Variants in TRERF1 observed in about 807,000 individuals in gnomAD.
TRERF1 encodes transcriptional-regulating factor 1.
TRERF1 carries 27 observed loss-of-function variants against 122.9 expected under a neutral mutation model. The observed-to-expected ratio is 0.22, with a 90% CI of 0.16 to 0.30. The LOEUF is 0.30. TRERF1 is among the 10% of genes least tolerant of loss of function. The pLI, the probability that TRERF1 is intolerant of heterozygous loss-of-function variation, is 1.00. For missense variants in TRERF1, 1,248 were observed against 1,560.3 expected, an observed-to-expected ratio of 0.80 and a Z score of 3.37; for synonymous variants, 636 against 641.7, an observed-to-expected ratio of 0.99 and a Z score of 0.13.
At chr6:42,389,336 A>G (rs1777325557) in intron 2 of TRERF1, among the ~76,000 whole-genome samples, 1 of 152,210 alleles carries the variant, frequency 6.6e-6, no homozygotes, top group African/African-American at 2.4e-5. Context: ...GAGACATTCT[A>G]TTGCCAGGCT....
At chr6:42,448,962 T>C (rs1788005179) in intron 2 of TRERF1, among the ~76,000 whole-genome samples, 1 of 152,260 alleles carries the variant, frequency 6.6e-6, no homozygotes, top group Non-Finnish European at 1.5e-5. Context: ...GCTTTATTTT[T>C]TGTGACCACA....
chr6:42,319,701 T>C (rs938446539), intron 3 of TRERF1, among the ~76,000 whole-genome samples: 11 of 150,978 alleles, frequency 7.3e-5, no homozygotes, highest in African/African-American at 2.4e-4. Flanking sequence ...TGTGTGCCTG[T>C]GGTCCCAGCT....
At chr6:42,424,967 C>T (rs143896245) in intron 2 of TRERF1, among the ~76,000 whole-genome samples, 229 of 152,266 alleles carry the variant, frequency 1.5e-3, no homozygotes, top group African/African-American at 5.3e-3. Flanking sequence ...AATGAATGCA[C>T]GAGTAACCCA....
chr6:42,275,838 C>T lies in TRERF1; in HGVS notation c.-258-5990G>A, dbSNP rs1428380031. On this transcript the variant is annotated intron_variant, in intron 4 of 17. Transcript: ENST00000372922. This position sits in a 1 kb window ranked among gnomAD's most constrained non-coding sequence, Gnocchi z 4.1. ...CTAGTAAATATTTTCAGCTTTGGGG[C>T]CCATACATATGGTTTCTGTCACAAC... Among the ~76,000 whole-genome samples, 1 of 152,192 alleles carries T rather than the reference C, an allele frequency of 6.6e-6. No individual in the cohort carries two copies. Among genetic ancestry groups the T allele is most frequent in the East Asian group, 1.9e-4 (1 of 5,200 alleles).
chr6:42,451,225 G>T lies in TRERF1; in HGVS notation c.-502C>A. The T allele has an allele frequency of 6.5e-6, 1 of 153,246 alleles. No homozygotes were observed. The highest frequency in any genetic ancestry group is 1.5e-5 in the Non-Finnish European group (1 of 68,818). 9.5% of individuals were successfully genotyped at this position (153,246 alleles called of 1,614,324 possible). A position where few individuals can be genotyped will look rare whatever the true frequency, so the allele number is the denominator to read the frequency against. On this transcript the variant is annotated 5_prime_UTR_variant, in exon 2 of 18. The change creates a new upstream start codon in the 5' untranslated region. Coordinates refer to ENST00000372922, the Ensembl canonical transcript of TRERF1. ...CATGGGCAATCCGACGAGAAGACCA[G>T]TATCCGCTTGGGGGGTGAGATGGGG...
intron 3 of TRERF1, among the ~76,000 whole-genome samples, chr6:42,306,434 C>A (rs1438659791): frequency 1.3e-5 from 2 of 152,200 alleles, no homozygotes; most frequent in East Asian, 3.9e-4. Flanking sequence ...ATCAGGCCCT[C>A]GTGTATCTGC....
intron 16 of TRERF1, among the ~76,000 whole-genome samples, chr6:42,235,364 T>G (rs1361970278): frequency 2.0e-5 from 3 of 152,204 alleles, no homozygotes; most frequent in Admixed American, 6.5e-5. Context: ...AAACCTGATT[T>G]GGGAAAAGCT....
rs748233531 is a variant in TRERF1, at chr6:42,268,992, C to T, written c.599G>A (p.Arg200His). ...AGGCTGCTGGGGCACCTGCTGGTAG[C>T]GGGAAGGGATAGCCGGTGCTGGGGG... The change falls in exon 5 of 18, where the codon CGC becomes CAC. Residue 200 changes from arginine to histidine, a missense_variant. This residue lies in a region of TRERF1 where 946 missense variants were observed against 1,073.0 expected (regional missense o/e 0.88). Coordinates refer to ENST00000372922, the Ensembl canonical transcript of TRERF1. This position sits in a 1 kb window ranked among gnomAD's most constrained non-coding sequence, Gnocchi z 4.4. 1.5e-5 allele frequency: 24 copies of T among 1,612,166 alleles called. No homozygotes were observed. The highest frequency in any genetic ancestry group is 6.6e-5 in the South Asian group (6 of 90,956).
intron 3 of TRERF1, among the ~76,000 whole-genome samples, chr6:42,339,136 G>A (rs1283067913): frequency 2.0e-5 from 3 of 152,198 alleles, no homozygotes; most frequent in African/African-American, 7.2e-5. Flanking sequence ...CTATCCTTGA[G>A]GTCACTGCTG....
chr6:42,306,312 T>G (rs1332670587), intron 3 of TRERF1, among the ~76,000 whole-genome samples: 1 of 152,144 alleles, frequency 6.6e-6, no homozygotes, highest in Non-Finnish European at 1.5e-5. Flanking sequence ...AATCTCCCCC[T>G]TCTTTTGATG....
rs1778750121 is a variant in TRERF1, at chr6:42,397,239, G to A, written c.-453-34160C>T. On this transcript the variant is annotated intron_variant, in intron 2 of 17. Transcript: ENST00000372922. ...AGAAATTTGATGTGTAACTGGGTTG[G>A]GACCTCATGAGGATTACATCTCATT... 2.6e-5 allele frequency among the ~76,000 whole-genome samples: 4 copies of A among 152,062 alleles called. No individual in the cohort carries two copies. The South Asian group carries it at 8.3e-4, about 32-fold the overall frequency.
rs1778562640 is a variant in TRERF1 at position 42,263,296 on chromosome 6, T to G, written c.1884+24A>C. On this transcript the variant is annotated intron_variant, in intron 8 of 17. Coordinates refer to ENST00000372922, the Ensembl canonical transcript of TRERF1. The surrounding 1 kb of genome is among the most constrained non-coding windows in gnomAD (Gnocchi z 5.6). ...GGGGGGCAGCCCCTTGGGGTGAGTG[T>G]GGGGGAGAGAGGGTCATCCTCACGA... The G allele has an allele frequency of 6.3e-7, 1 of 1,598,486 alleles. No individual in the cohort carries two copies. The highest frequency in any genetic ancestry group is 8.5e-7 in the Non-Finnish European group (1 of 1,171,606).
exon 18 of TRERF1, chr6:42,225,682 C>G (rs1385928780): frequency 2.0e-5 from 3 of 152,024 alleles, no homozygotes; most frequent in Non-Finnish European, 4.4e-5. Flanking sequence ...GAACAGGAAG[C>G]AATCACAACC....
chr6:42,277,358 C>T (rs1041304233), intron 4 of TRERF1, among the ~76,000 whole-genome samples: 5 of 152,114 alleles, frequency 3.3e-5, no homozygotes, highest in African/African-American at 1.2e-4. Context: ...GTGGCTCCCA[C>T]CCTGTGAGGC....
intron 4 of TRERF1, among the ~76,000 whole-genome samples, chr6:42,277,854 A>AAAGAAGGAAGAAGG (rs1321320657): frequency 6.9e-6 from 1 of 145,016 alleles, no homozygotes; most frequent in African/African-American, 2.7e-5. Context: ...TAAGAAGAAG[A>AAAGAAGGAAGAAGG]AAGAAGGAAG....
At chr6:42,355,622 C>T (rs1770382837) in intron 3 of TRERF1, among the ~76,000 whole-genome samples, 1 of 152,162 alleles carries the variant, frequency 6.6e-6, no homozygotes, top group South Asian at 2.1e-4. Flanking sequence ...TTATCTGTTC[C>T]TTGAGAGTTT....
At chr6:42,444,756 C>T (rs147104019) in intron 2 of TRERF1, among the ~76,000 whole-genome samples, 10 of 152,278 alleles carry the variant, frequency 6.6e-5, no homozygotes, top group African/African-American at 1.4e-4. Flanking sequence ...AAATTACCAA[C>T]ACTTCCAAAA....
chr6:42,356,471 TCTCA>T (rs1290560310), intron 3 of TRERF1, among the ~76,000 whole-genome samples: 2 of 152,226 alleles, frequency 1.3e-5, no homozygotes, highest in Non-Finnish European at 2.9e-5. Flanking sequence ...GCAAGATGGC[TCTCA>T]CTCACAAGCC....
At chr6:42,344,398 T>A (rs1264986676) in intron 3 of TRERF1, among the ~76,000 whole-genome samples, 4 of 152,234 alleles carry the variant, frequency 2.6e-5, no homozygotes, top group East Asian at 1.9e-4. Context: ...ATCCTATTAT[T>A]TTGTAAATGA....
Sources: allele counts gnomAD v4.1 joint callset (sites outside exome capture counted in the v4.1 genomes callset), GRCh38; gene constraint gnomAD v4.1.1; regional missense constraint gnomAD v4.1.1; non-coding constraint Gnocchi (gnomAD v3.1); transcripts MANE v1.5; gene names NCBI Gene and HGNC (gene_info 2026-07-23, HGNC 2026-07-21).